Variants in LRRC56 observed in about 807,000 individuals in gnomAD.
LRRC56 encodes the protein leucine-rich repeat-containing protein 56.
Under a neutral mutation model 47.8 loss-of-function variants are expected in LRRC56, and 41 were observed. That is an observed-to-expected ratio of 0.86 (90% CI 0.67 to 1.11). LRRC56 has a LOEUF of 1.11. LRRC56 is among the 50% of genes most tolerant of loss of function. The pLI is 0.00. For synonymous variants in LRRC56, 387 were observed against 311.2 expected (o/e 1.24, Z -2.56); for missense variants, 759 against 704.2 (o/e 1.08, Z -0.88).
the LRRC56 span, among the ~76,000 whole-genome samples, chr11:527,632 C>T: frequency 4.1e-4 from 62 of 151,860 alleles, 1 homozygote; most frequent in African/African-American, 1.3e-3. Flanking sequence ...CCCAGGTTCA[C>T]GCCATTCTCC....
At chr11:546,168 G>A (rs1852069093) in intron 6 of LRRC56, among the ~76,000 whole-genome samples, 1 of 152,210 alleles carries the variant, frequency 6.6e-6, no homozygotes, top group Non-Finnish European at 1.5e-5. Context: ...TGCTCAGGAG[G>A]CTGAGGCAGG....
At chr11:525,764 C>A in the LRRC56 span, among the ~76,000 whole-genome samples, 2 of 150,572 alleles carry the variant, frequency 1.3e-5, no homozygotes, top group Non-Finnish European at 3.0e-5. Flanking sequence ...GCCAGGCATG[C>A]TGGTGCACGC....
At chr11:552,853 T>G in intron 13 of LRRC56, 151 bp downstream of exon 13, 1 of 707,324 alleles carries the variant, frequency 1.4e-6, no homozygotes. Flanking sequence ...GGCCCCCTTC[T>G]GGGGGTGGGG....
At chr11:516,646 G>A in the LRRC56 span, among the ~76,000 whole-genome samples, 1 of 151,994 alleles carries the variant, frequency 6.6e-6, no homozygotes, top group Non-Finnish European at 1.5e-5. Context: ...CAGATTAAAA[G>A]ACAAAAAGAC....
Position 552,073 on chromosome 11 carries a change from TC to T in LRRC56, c.1039-14del, listed in dbSNP as rs1314834367. 6.2e-7 allele frequency: 1 copy of T among 1,607,906 alleles called. No individual in the cohort carries two copies. On this transcript the variant is annotated splice_polypyrimidine_tract_variant and intron_variant, in intron 11 of 13. Transcript: ENST00000270115. Reference sequence around the variant, plus strand: ...TCCAGGGCCAGAATCCCTAAAGCAGTCCCTTTTCCTCCCCAGGCCAGGGAGC... The same window carrying T: ...TCCAGGGCCAGAATCCCTAAAGCAGTCCTTTTCCTCCCCAGGCCAGGGAGC...
rs1476810417 is a variant in LRRC56 at position 551,821 on chromosome 11, A to G, written c.967A>G (p.Thr323Ala). The G allele has an allele frequency of 6.2e-7, 1 of 1,606,296 alleles. No homozygotes were observed. ...CCCAGAAGATAACACCAGCAGCCTC[A>G]CCCATGGTAACTGACTTGCCTCAAA... ...LAPEDNTSSLTHGAGQVLCGN... is the reference protein window; with the variant it reads ...LAPEDNTSSLAHGAGQVLCGN... Residue 323 changes from threonine to alanine, a missense_variant, in exon 10 of 14, where the codon ACC becomes GCC. Thr to Ala is a moderately conservative substitution (Grantham distance 58). Transcript: ENST00000270115.
At chr11:548,552 G>A (rs1487174275) in intron 6 of LRRC56, among the ~76,000 whole-genome samples, 4 of 152,192 alleles carry the variant, frequency 2.6e-5, no homozygotes, top group African/African-American at 7.2e-5. Flanking sequence ...CCACCTCCCC[G>A]GTTCAAGCGA....
chr11:534,532 C>T (rs1390418205), upstream of LRRC56: 1 of 598,318 alleles, frequency 1.7e-6, no homozygotes, highest in Non-Finnish European at 3.0e-6. Flanking sequence ...GCAGCTGCAA[C>T]CCAGCGTGCG....
chr11:532,262 ACTGTGATCCCAT>A, the LRRC56 span: 1 of 426,936 alleles, frequency 2.3e-6, no homozygotes, highest in Non-Finnish European at 4.4e-6. Context: ...CCAATAATTT[ACTGTGATCCCAT>A]CTGTGCCCGA....
chr11:537,631 T>A (rs1851580082), intron 1 of LRRC56, 26 bp downstream of exon 1: 1 of 151,970 alleles, frequency 6.6e-6, no homozygotes, highest in African/African-American at 2.4e-5. Flanking sequence ...ACCCTTGGGG[T>A]GGGAGCCGCA....
chr11:512,843 C>T, the LRRC56 span, among the ~76,000 whole-genome samples: 3 of 152,124 alleles, frequency 2.0e-5, no homozygotes, highest in Non-Finnish European at 4.4e-5. Flanking sequence ...CTGAGCCCCT[C>T]GAGGGTTCCT....
At chr11:533,433 G>T (rs201524241), upstream of LRRC56, 66 of 1,612,018 alleles carry the variant, frequency 4.1e-5, 1 homozygote, top group Admixed American at 8.5e-4. Flanking sequence ...GGCTAGCTGT[G>T]GGGTGGAGAG....
the LRRC56 span, among the ~76,000 whole-genome samples, chr11:512,473 G>A: frequency 1.3e-5 from 2 of 152,014 alleles, no homozygotes. Flanking sequence ...GACCTCAAAT[G>A]ATCTGCCTGC....
chr11:549,899 C>T lies in LRRC56; in HGVS notation c.327-3C>T, dbSNP rs1852284673. On this transcript the variant is annotated splice_region_variant and splice_polypyrimidine_tract_variant and intron_variant, in intron 6 of 13. Transcript: ENST00000270115. ...GTTGACCACCAAACCCTGCCTTCTG[C>T]AGGGACTTGGGCACGTCTCTGGGCC... is the stretch of plus-strand genomic sequence containing the variant. 8 of 1,612,398 alleles carry T rather than the reference C, an allele frequency of 5.0e-6. No homozygotes were observed. Among genetic ancestry groups the T allele is most frequent in the African/African-American group, 1.3e-5 (1 of 74,934 alleles).
chr11:533,768 G>A (rs367794954), upstream of LRRC56: 4 of 1,613,216 alleles, frequency 2.5e-6, no homozygotes, highest in African/African-American at 2.7e-5. Flanking sequence ...GGGTTCACCT[G>A]TACTGGTGGA....
intron 6 of LRRC56, among the ~76,000 whole-genome samples, chr11:546,604 G>A (rs1488378169): frequency 6.6e-6 from 1 of 151,808 alleles, no homozygotes; most frequent in Non-Finnish European, 1.5e-5. Context: ...GGAAATGGAA[G>A]AAAGTTGGAA....
chr11:511,320 CAAA>C, the LRRC56 span, among the ~76,000 whole-genome samples: 8 of 78,492 alleles, frequency 1.0e-4, no homozygotes, highest in East Asian at 4.7e-4. Context: ...GACTCCGTCT[CAAA>C]AAAAAAAAAA....
At position 540,859 on chromosome 11, in the gene LRRC56, C is replaced by T. The variant is rs1317253363; in HGVS notation, c.175C>T (p.Leu59=). 1 of 1,553,740 alleles carries T rather than the reference C, an allele frequency of 6.4e-7. No homozygotes were observed. The highest frequency in any genetic ancestry group is 2.0e-5 in the Admixed American group (1 of 51,180). ...LVEEYLSPAR[L]QALARVDDLR... ...GGAAGAGTACCTGTCCCCTGCCCGG[C>T]TGGTGAGTGTGGGCGCTGGGGGCTG... Residue 59 remains leucine (L), a splice_region_variant and synonymous_variant, in exon 4 of 14, where the codon CTG becomes TTG. Coordinates refer to ENST00000270115, the MANE Select transcript of LRRC56 (RefSeq NM_198075.4).
intron 5 of LRRC56, among the ~76,000 whole-genome samples, chr11:543,942 G>A (rs892984350): frequency 1.1e-4 from 17 of 152,096 alleles, no homozygotes; most frequent in Non-Finnish European, 2.2e-4. Flanking sequence ...TAGAGACGGG[G>A]TTTCACCGTG....
Sources: gnomAD v4.1 joint callset for allele counts (sites outside exome capture counted in the v4.1 genomes callset) on GRCh38, gnomAD v4.1.1 for gene constraint, MANE v1.5 for transcripts, NCBI Gene and HGNC (gene_info 2026-07-23, HGNC 2026-07-21) for gene names.